Variants in NAPB observed in about 807,000 individuals in gnomAD.
NAPB encodes NSF attachment protein beta, also known as beta-soluble NSF attachment protein.
A neutral mutation model predicts 44.7 loss-of-function variants in NAPB; 26 were observed. The observed-to-expected ratio is 0.58, with a 90% confidence interval of 0.43 to 0.81. NAPB has a LOEUF of 0.81. Ranked by LOEUF, NAPB falls within the 30% of genes least tolerant of loss-of-function variation. The pLI is 0.00. For missense variants in NAPB, 315 were observed against 356.4 expected, an observed-to-expected ratio of 0.88 and a Z score of 0.94; for synonymous variants, 120 against 116.8, an observed-to-expected ratio of 1.03 and a Z score of -0.18.
chr20:23,400,817 G>A (rs2123213400), intron 2 of NAPB, among the ~76,000 whole-genome samples: 1 of 152,168 alleles, frequency 6.6e-6, no homozygotes, highest in African/African-American at 2.4e-5. Flanking sequence ...GACTTTGCAG[G>A]TAATAATCCA....
rs1379492260 is a variant in NAPB at position 23,415,593 on chromosome 20, C to CA, written c.98+5711dup. On this transcript the variant is annotated intron_variant, in intron 1 of 10. Coordinates refer to ENST00000377026, the MANE Select transcript of NAPB (RefSeq NM_022080.3). ...TGGGCAACAGAGCAAGACTCCATTT[C>CA]AAAAAAAAAGAAAACTCTCTGTACT... Among the ~76,000 whole-genome samples the CA allele has an allele frequency of 6.0e-5, 9 of 150,164 alleles. No homozygotes were observed. The South Asian group carries it at 6.3e-4, about 11-fold the overall frequency.
At chr20:23,415,991 G>A (rs926794854) in intron 1 of NAPB, among the ~76,000 whole-genome samples, 3 of 152,062 alleles carry the variant, frequency 2.0e-5, no homozygotes, top group South Asian at 2.1e-4. Flanking sequence ...TAAATAAAAC[G>A]GAAGAAAGCG....
intron 7 of NAPB, among the ~76,000 whole-genome samples, chr20:23,384,156 G>A (rs939786122): frequency 1.3e-5 from 2 of 152,142 alleles, no homozygotes; most frequent in Non-Finnish European, 2.9e-5. Context: ...TTATATGTGA[G>A]TTCCACAGGG....
intron 1 of NAPB, among the ~76,000 whole-genome samples, chr20:23,417,720 C>T (rs908231738): frequency 1.9e-4 from 29 of 151,966 alleles, no homozygotes; most frequent in Non-Finnish European, 2.4e-4. Flanking sequence ...TACTGCTTAA[C>T]GGGCAATTAA....
At chr20:23,414,096 C>A (rs906242447) in intron 1 of NAPB, among the ~76,000 whole-genome samples, 1 of 152,026 alleles carries the variant, frequency 6.6e-6, no homozygotes, top group Admixed American at 6.6e-5. Context: ...ACCAACCAGG[C>A]AGATCATTTG....
intron 7 of NAPB, among the ~76,000 whole-genome samples, chr20:23,383,779 A>G (rs1983236451): frequency 6.6e-6 from 1 of 152,254 alleles, no homozygotes; most frequent in South Asian, 2.1e-4. Flanking sequence ...GGGTAAATAT[A>G]ACAGGCTTTC....
chr20:23,421,190 G>A (rs1056348651), intron 1 of NAPB, 115 bp downstream of exon 1: 22 of 831,592 alleles, frequency 2.6e-5, no homozygotes, highest in Admixed American at 1.8e-4. Context: ...AGGGCCCCTA[G>A]ACGTGGTCTG....
chr20:23,400,216 G>C (rs140607747), intron 2 of NAPB, among the ~76,000 whole-genome samples: 28 of 152,224 alleles, frequency 1.8e-4, no homozygotes, highest in African/African-American at 6.7e-4. Flanking sequence ...ATGCTAGCTC[G>C]GTCTATCTAA....
intron 10 of NAPB, among the ~76,000 whole-genome samples, chr20:23,377,989 G>A (rs1208506152): frequency 2.0e-5 from 3 of 152,106 alleles, no homozygotes; most frequent in African/African-American, 4.8e-5. Context: ...CCTGAGCTGT[G>A]ATGAACATGT....
chr20:23,392,894 T>C (rs1217005895), intron 5 of NAPB, among the ~76,000 whole-genome samples: 1 of 151,930 alleles, frequency 6.6e-6, no homozygotes, highest in East Asian at 1.9e-4. Flanking sequence ...TGGAGACCCA[T>C]GTGTTGGAGA....
At chr20:23,384,052 T>TC (rs1266284728) in intron 7 of NAPB, among the ~76,000 whole-genome samples, 1 of 152,230 alleles carries the variant, frequency 6.6e-6, no homozygotes, top group African/African-American at 2.4e-5. Flanking sequence ...ACTGTGTGAA[T>TC]CCACTTATAT....
At chr20:23,397,269 G>C (rs1011845961) in intron 2 of NAPB, 81 bp from the exon 3 acceptor site, 5 of 1,447,438 alleles carry the variant, frequency 3.5e-6, no homozygotes, top group Non-Finnish European at 3.7e-6. Context: ...GACCTCCCTA[G>C]AAAAATTATA....
rs113237475 is a variant in NAPB, at chr20:23,398,776, G to A, written c.179-1588C>T. On this transcript the variant is annotated intron_variant, in intron 2 of 10. Transcript: ENST00000377026. ...GGACAATTGCTTGAATCCGGGAGGC[G>A]GAGGTTGCAGTGAGCCGAGACTGTG... 6.4e-3 allele frequency among the ~76,000 whole-genome samples: 970 copies of A among 151,670 alleles called. 10 individuals are homozygous for A. Among genetic ancestry groups the A allele is most frequent in the African/African-American group, 0.022 (889 of 41,302 alleles).
intron 7 of NAPB, among the ~76,000 whole-genome samples, chr20:23,387,326 A>G (rs1358359005): frequency 2.6e-5 from 4 of 152,250 alleles, no homozygotes; most frequent in Non-Finnish European, 4.4e-5. Context: ...TTACAAGATC[A>G]GGAACAAGAC....
chr20:23,407,380 T>G (rs1465514411), intron 1 of NAPB, among the ~76,000 whole-genome samples: 2 of 152,208 alleles, frequency 1.3e-5, no homozygotes, highest in Admixed American at 6.5e-5. Context: ...GAATCCATAT[T>G]ACGCAGCAAC....
intron 5 of NAPB, among the ~76,000 whole-genome samples, chr20:23,391,631 T>C (rs1024694639): frequency 5.3e-5 from 8 of 152,236 alleles, no homozygotes; most frequent in African/African-American, 1.9e-4. Context: ...TTGTTGCAAC[T>C]ACTCAGCTCT....
At chr20:23,400,158 C>T (rs1046949042) in intron 2 of NAPB, among the ~76,000 whole-genome samples, 1 of 152,168 alleles carries the variant, frequency 6.6e-6, no homozygotes, top group Non-Finnish European at 1.5e-5. Flanking sequence ...AAACGAGTTG[C>T]TGGCTTACTT....
chr20:23,390,512 C>A (rs1399013973), intron 5 of NAPB, among the ~76,000 whole-genome samples: 1 of 152,248 alleles, frequency 6.6e-6, no homozygotes, highest in Non-Finnish European at 1.5e-5. Flanking sequence ...TCAGCTTCCT[C>A]CATAGTGAGG....
At position 23,421,439 on chromosome 20, in the gene NAPB, C is replaced by A; in HGVS notation, c.-37G>T. 2 of 1,529,790 alleles carry A rather than the reference C, an allele frequency of 1.3e-6. No homozygotes were observed. The highest frequency in any genetic ancestry group is 1.8e-6 in the Non-Finnish European group (2 of 1,135,740). The allele number at this position is 1,529,790 out of a possible 1,614,324, so 94.8% of individuals were successfully genotyped here. On this transcript the variant is annotated 5_prime_UTR_variant, in exon 1 of 11. Transcript: ENST00000377026. ...CGGCCGCCACAGCCCCCTCAGCCGGCTCGCTGTGCGCCCAGGCGCCTTAAC... is the reference window on the plus strand; with the variant it reads ...CGGCCGCCACAGCCCCCTCAGCCGGATCGCTGTGCGCCCAGGCGCCTTAAC...
Sources: gnomAD v4.1 joint callset for allele counts (sites outside exome capture counted in the v4.1 genomes callset) on GRCh38, gnomAD v4.1.1 for gene constraint, MANE v1.5 for transcripts, NCBI Gene and HGNC (gene_info 2026-07-23, HGNC 2026-07-21) for gene names.